The following MPRIP variants were observed in gnomAD, a reference collection of about 807,000 sequenced individuals.
MPRIP encodes the protein myosin phosphatase Rho interacting protein, also known as myosin phosphatase Rho-interacting protein.
A neutral mutation model predicts 234.9 loss-of-function variants in MPRIP; 59 were observed. The ratio of observed to expected loss-of-function variants is 0.25; its 90% confidence interval spans 0.20 to 0.31. The LOEUF (loss-of-function observed/expected upper bound fraction) is 0.31. Among genes scored for constraint, MPRIP ranks in the 10% least tolerant of loss-of-function variants. The pLI, the probability that MPRIP is intolerant of heterozygous loss-of-function variation, is 1.00. For synonymous variants in MPRIP, 1,144 were observed against 1,263.9 expected (o/e 0.91, Z 2.01); for missense variants, 2,436 against 3,071.0 (o/e 0.79, Z 4.89).
At chr17:17,137,748 T>A (rs930619278) in intron 6 of MPRIP, among the ~76,000 whole-genome samples, 168 bp from the exon 7 acceptor site, 1 of 152,034 alleles carries the variant, frequency 6.6e-6, no homozygotes, top group African/African-American at 2.4e-5. Context: ...TTCCCATCCA[T>A]GGTTCTTTCC....
At chr17:17,163,591 A>T (rs2045918344) in intron 15 of MPRIP, among the ~76,000 whole-genome samples, 1 of 152,164 alleles carries the variant, frequency 6.6e-6, no homozygotes, top group South Asian at 2.1e-4. Context: ...TTTGGATGTC[A>T]CCTTGCTGAC....
intron 4 of MPRIP, 115 bp downstream of exon 4, chr17:17,126,968 A>G (rs540651389): frequency 2.3e-6 from 3 of 1,281,162 alleles, no homozygotes; most frequent in Non-Finnish European, 3.3e-6. Flanking sequence ...GTGTGCCTCT[A>G]TTCTTGGGCT....
At chr17:17,168,643 C>T (rs1234005684) in intron 16 of MPRIP, 11 of 351,700 alleles carry the variant, frequency 3.1e-5, no homozygotes, top group Non-Finnish European at 5.6e-5. Flanking sequence ...CTGGCCCCAC[C>T]CTTTGTAGCT....
intron 1 of MPRIP, among the ~76,000 whole-genome samples, chr17:17,071,564 T>C (rs2089195422): frequency 6.6e-6 from 1 of 152,158 alleles, no homozygotes; most frequent in Admixed American, 6.5e-5. Context: ...TGCCCCATCG[T>C]CCAGGAAGCA....
chr17:17,112,532 C>T (rs1192852180), intron 3 of MPRIP, among the ~76,000 whole-genome samples: 1 of 151,938 alleles, frequency 6.6e-6, no homozygotes. Flanking sequence ...TCCCCAGCTG[C>T]CCCTGTCCTC....
intron 3 of MPRIP, among the ~76,000 whole-genome samples, chr17:17,112,990 G>A (rs1458283699): frequency 1.3e-5 from 2 of 152,238 alleles, no homozygotes; most frequent in Admixed American, 6.5e-5. Context: ...AGCTCAGACA[G>A]CTGGGATGGA....
At chr17:17,050,275 A>G (rs986560345) in intron 1 of MPRIP, among the ~76,000 whole-genome samples, 2 of 144,330 alleles carry the variant, frequency 1.4e-5, no homozygotes, top group Admixed American at 7.4e-5. Flanking sequence ...AGATTGCGCC[A>G]CTGCACTCCA....
chr17:17,161,461 G>GT, intron 15 of MPRIP, 105 bp downstream of exon 15: 2 of 676,636 alleles, frequency 3.0e-6, no homozygotes. Flanking sequence ...CTGAGCAGGG[G>GT]TGTCTCCCAG....
chr17:17,144,697 A>T (rs1223640195), intron 9 of MPRIP, among the ~76,000 whole-genome samples: 1 of 152,206 alleles, frequency 6.6e-6, no homozygotes, highest in Non-Finnish European at 1.5e-5. Flanking sequence ...CTCTACTAAA[A>T]ATACAAAAAT....
rs143894898 is a variant in MPRIP at position 17,126,842 on chromosome 17, G to A, written c.408G>A (p.Glu136=). 893 of 1,613,670 alleles carry A rather than the reference G, an allele frequency of 5.5e-4. 2 individuals are homozygous for A. Among genetic ancestry groups the A allele is most frequent in the Non-Finnish European group, 7.0e-4 (820 of 1,179,780 alleles). The part of the protein sequence containing the change: ...KEHFIRAETK[E]IVSGWLEMLM... ...ATTTCATCCGGGCGGAGACCAAGGA[G>A]ATCGTCAGTGGGTGAGTATGCTGGC... The change falls in exon 4 of 24, where the codon GAG becomes GAA. Residue 136 remains glutamate (E), a synonymous_variant. Transcript: ENST00000651222.
At chr17:17,079,932 C>T (rs946768674) in intron 3 of MPRIP, among the ~76,000 whole-genome samples, 14 of 152,204 alleles carry the variant, frequency 9.2e-5, no homozygotes, top group African/African-American at 3.1e-4. Flanking sequence ...ACTGTGGTCT[C>T]CCAGCAACCT....
At chr17:17,140,192 A>G (rs1210195730) in intron 7 of MPRIP, among the ~76,000 whole-genome samples, 1 of 152,196 alleles carries the variant, frequency 6.6e-6, no homozygotes, top group African/African-American at 2.4e-5. Flanking sequence ...GCTCCAGAGC[A>G]GGATCAGCTA....
intron 15 of MPRIP, among the ~76,000 whole-genome samples, chr17:17,163,450 G>A (rs1017749397): frequency 5.3e-5 from 8 of 152,102 alleles, no homozygotes; most frequent in Non-Finnish European, 7.4e-5. Flanking sequence ...CTCCACAAAG[G>A]TTTGTTTGTT....
intron 11 of MPRIP, 109 bp from the exon 12 acceptor site, chr17:17,150,035 A>G: frequency 1.3e-6 from 1 of 786,020 alleles, no homozygotes; most frequent in Non-Finnish European, 2.2e-6. Flanking sequence ...GTCAGTGTGT[A>G]TACTATTAAA....
In MPRIP at chr17:17,158,675, C is replaced by T. The variant is rs765143498; in HGVS notation, c.2073C>T (p.Arg691=). 1.1e-5 allele frequency: 17 copies of T among 1,607,388 alleles called. No homozygotes were observed. The highest frequency in any genetic ancestry group is 1.1e-5 in the Non-Finnish European group (13 of 1,178,364). Residue 691 remains arginine, a synonymous_variant, in exon 14 of 24, where the codon CGC becomes CGT. Transcript: ENST00000651222. ...CTGCTGACACCCACGAGCCCCTGCG[C>T]CCTGAGGCGGAGCCTGGGGAGCTGG... The part of the protein sequence containing the change: ...VGPADTHEPL[R]PEAEPGELER...
chr17:17,160,478 G>A (rs956296790), intron 14 of MPRIP, among the ~76,000 whole-genome samples: 1 of 152,260 alleles, frequency 6.6e-6, no homozygotes, highest in African/African-American at 2.4e-5. Flanking sequence ...TTCAGCACGA[G>A]CTCTGGGAGC....
intron 8 of MPRIP, among the ~76,000 whole-genome samples, chr17:17,143,073 T>C (rs1019997083): frequency 6.6e-6 from 1 of 152,214 alleles, no homozygotes; most frequent in African/African-American, 2.4e-5. Context: ...TAACTCTTTC[T>C]TTCAGTACAA....
intron 3 of MPRIP, among the ~76,000 whole-genome samples, chr17:17,094,059 C>T (rs1451826895): frequency 6.6e-6 from 1 of 152,186 alleles, no homozygotes; most frequent in African/African-American, 2.4e-5. Flanking sequence ...GCCTCTCTCT[C>T]TTTCTCTCTC....
intron 3 of MPRIP, among the ~76,000 whole-genome samples, chr17:17,084,213 G>A (rs1437599712): frequency 1.3e-5 from 2 of 152,186 alleles, no homozygotes; most frequent in African/African-American, 4.8e-5. Context: ...GCCATGGAAG[G>A]CCTCTTCTGT....
Sources: allele counts gnomAD v4.1 joint callset (sites outside exome capture counted in the v4.1 genomes callset), GRCh38; gene constraint gnomAD v4.1.1; transcripts MANE v1.5; gene names NCBI Gene and HGNC (gene_info 2026-07-23, HGNC 2026-07-21).